Variants in MTHFD1 observed in about 807,000 individuals in gnomAD.
MTHFD1 encodes the protein C-1-tetrahydrofolate synthase, cytoplasmic.
Under a neutral mutation model 110.3 loss-of-function variants are expected in MTHFD1, and 44 were observed. The ratio of observed to expected loss-of-function variants is 0.40; its 90% CI spans 0.31 to 0.51. The LOEUF is 0.51. Among genes scored for constraint, MTHFD1 ranks in the 20% least tolerant of loss-of-function variants. The probability of loss-of-function intolerance (pLI) is 0.60; values close to 1 mark genes in which losing one functional copy is unlikely to be tolerated. For synonymous variants in MTHFD1, 402 were observed against 428.8 expected (o/e 0.94, Z 0.77); for missense variants, 909 against 1,173.1 (o/e 0.77, Z 3.29).
Position 64,415,478 on chromosome 14 carries a change from G to A in MTHFD1, c.361G>A (p.Glu121Lys), listed in dbSNP as rs749742870. 9 of 1,614,124 alleles carry A rather than the reference G, an allele frequency of 5.6e-6. No homozygotes were observed. Among genetic ancestry groups the A allele is most frequent in the South Asian group, 5.5e-5 (5 of 91,084 alleles). ...AGAAGTGATCAATGCTATTGCACCC[G>A]AGAAGGATGTGGATGGGTAAGTGTG... ...TEEVINAIAP[E>K]KDVDGLTSIN... Residue 121 changes from glutamate to lysine, a missense_variant, in exon 5 of 28, where the codon GAG becomes AAG. Coordinates refer to ENST00000652337, the MANE Select transcript of MTHFD1 (RefSeq NM_005956.4).
rs762017000 is a variant in MTHFD1 at position 64,431,823 on chromosome 14, G to A, written c.1456G>A (p.Val486Met). The change falls in exon 15 of 28, where the codon GTG becomes ATG. Residue 486 changes from valine to methionine, a missense_variant. Val to Met is a conservative substitution (Grantham distance 21, BLOSUM62 1). This residue lies in a region of MTHFD1 where 482 missense variants were observed against 646.0 expected (regional missense o/e 0.75). Transcript: ENST00000652337. ...TCGTTTGGTGCCATCAGTAAATGGA[G>A]TGAGAAGGTTCTCTGACATCCAAAT... Reference protein sequence around the residue: ...FNRLVPSVNGVRRFSDIQIRR... With the variant: ...FNRLVPSVNGMRRFSDIQIRR... 5 of 1,614,076 alleles carry A rather than the reference G, an allele frequency of 3.1e-6. No homozygotes were observed. The highest frequency in any genetic ancestry group is 3.3e-5 in the Admixed American group (2 of 59,998).
chr14:64,407,546 C>G (rs66546206), intron 2 of MTHFD1, among the ~76,000 whole-genome samples: 5 of 51,988 alleles, frequency 9.6e-5, no homozygotes, highest in Non-Finnish European at 1.9e-4. Flanking sequence ...CACTCTCTCT[C>G]TTTTTTTTTT....
intron 17 of MTHFD1, 49 bp downstream of exon 17, chr14:64,439,221 T>C: frequency 7.5e-7 from 1 of 1,339,360 alleles, no homozygotes; most frequent in South Asian, 1.2e-5. Context: ...GCACTAGATC[T>C]TGCTGCTTCT....
chr14:64,449,601 C>T lies in MTHFD1; in HGVS notation c.2436C>T (p.Phe812=). 6.2e-7 allele frequency: 1 copy of T among 1,614,162 alleles called. No homozygotes were observed. The highest frequency in any genetic ancestry group is 1.6e-4 in the Middle Eastern group (1 of 6,062). The change falls in exon 24 of 28, where the codon TTC becomes TTT. Residue 812 remains phenylalanine (F), a synonymous_variant. Coordinates refer to ENST00000652337, the MANE Select transcript of MTHFD1 (RefSeq NM_005956.4). ...VQRAAQAPSS[F]QLLYDLKLPV... The stretch of plus-strand genomic sequence containing the variant: ...GAGCAGCACAAGCACCCAGCAGCTT[C>T]CAGCTCCTTTATGACCTCAAGGTGG...
intron 8 of MTHFD1, among the ~76,000 whole-genome samples, chr14:64,420,850 G>A (rs1192292794): frequency 1.3e-5 from 2 of 152,120 alleles, no homozygotes; most frequent in African/African-American, 4.8e-5. Flanking sequence ...TCCCTTCCCT[G>A]CGCATGCCTC....
chr14:64,426,703 T>G (rs1566565225), intron 11 of MTHFD1, among the ~76,000 whole-genome samples: 1 of 105,806 alleles, frequency 9.5e-6, no homozygotes, highest in Non-Finnish European at 1.9e-5. Flanking sequence ...ACTCCTGACC[T>G]TGTGATCCAC....
At chr14:64,456,342 T>C (rs981262854) in intron 26 of MTHFD1, among the ~76,000 whole-genome samples, 3 of 152,232 alleles carry the variant, frequency 2.0e-5, no homozygotes, top group Non-Finnish European at 4.4e-5. Flanking sequence ...GTTGGGGCCT[T>C]AACGAGACTC....
intron 10 of MTHFD1, 76 bp downstream of exon 10, chr14:64,425,903 A>G (rs2078114951): frequency 2.6e-6 from 4 of 1,566,122 alleles, no homozygotes; most frequent in Non-Finnish European, 3.5e-6. Flanking sequence ...GGGTTCACAT[A>G]TGCTCCCTCT....
At chr14:64,447,454 C>CTTTTT (rs34013579) in intron 22 of MTHFD1, among the ~76,000 whole-genome samples, 4 of 127,040 alleles carry the variant, frequency 3.1e-5, no homozygotes. Context: ...AGGTCCGGCC[C>CTTTTT]TTTTTTTTTT....
At chr14:64,398,780 A>G (rs2077875982) in intron 1 of MTHFD1, among the ~76,000 whole-genome samples, 1 of 152,204 alleles carries the variant, frequency 6.6e-6, no homozygotes. Context: ...ACAAATGACA[A>G]AACTGGTTTT....
At chr14:64,409,330 A>C (rs991977666) in intron 2 of MTHFD1, among the ~76,000 whole-genome samples, 1 of 152,184 alleles carries the variant, frequency 6.6e-6, no homozygotes, top group Non-Finnish European at 1.5e-5. Flanking sequence ...TGGAAAACTG[A>C]CTTATAAGTT....
At chr14:64,435,314 G>A (rs73263781) in intron 15 of MTHFD1, among the ~76,000 whole-genome samples, 9,420 of 151,988 alleles carry the variant, frequency 0.062, 509 homozygotes, top group African/African-American at 0.16. Context: ...AGGCATATTT[G>A]TGGCATCCCA....
chr14:64,396,977 C>T (rs1420978552), intron 1 of MTHFD1, among the ~76,000 whole-genome samples: 22 of 144,158 alleles, frequency 1.5e-4, no homozygotes, highest in African/African-American at 4.9e-4. Flanking sequence ...TGGTGGCGGG[C>T]GCCTGTAGTC....
chr14:64,446,540 TTTTTG>T (rs1159937055), intron 22 of MTHFD1, among the ~76,000 whole-genome samples: 4 of 152,122 alleles, frequency 2.6e-5, no homozygotes, highest in East Asian at 3.8e-4. Flanking sequence ...TTGGTGGGTT[TTTTTG>T]TTTTGTTTTG....
chr14:64,427,347 A>T lies in MTHFD1; in HGVS notation c.1138A>T (p.Thr380Ser). ...GCTTTCGTCTTGAAGAATAACTCCA[A>T]CACCCCTGGGAGAAGGGAAAAGCAC... Reference protein sequence around the residue: ...KYVVVTGITPTPLGEGKSTTT... With the variant: ...KYVVVTGITPSPLGEGKSTTT... Residue 380 changes from threonine (T) to serine (S), a missense_variant, in exon 12 of 28, where the codon ACA (threonine) becomes TCA (serine). By Grantham distance (58) the Thr-to-Ser change is moderately conservative. Coordinates refer to ENST00000652337, the MANE Select transcript of MTHFD1 (RefSeq NM_005956.4). The T allele has an allele frequency of 1.2e-6, 2 of 1,614,152 alleles. No homozygotes were observed. Among genetic ancestry groups the T allele is most frequent in the South Asian group, 2.2e-5 (2 of 91,076 alleles).
intron 22 of MTHFD1, 102 bp from the exon 23 acceptor site, chr14:64,448,115 G>A (rs567484360): frequency 7.3e-6 from 6 of 817,746 alleles, no homozygotes; most frequent in Admixed American, 2.0e-5. Context: ...TGTCCTGATA[G>A]TGAGTGGCTG....
intron 16 of MTHFD1, among the ~76,000 whole-genome samples, chr14:64,438,415 G>A (rs1207175665): frequency 6.6e-6 from 1 of 152,162 alleles, no homozygotes; most frequent in Non-Finnish European, 1.5e-5. Context: ...CTTTTGTCAG[G>A]AACCCATGAC....
At chr14:64,442,765 C>A (rs1220445640) in intron 21 of MTHFD1, among the ~76,000 whole-genome samples, 1 of 152,130 alleles carries the variant, frequency 6.6e-6, no homozygotes, top group Non-Finnish European at 1.5e-5. Context: ...ACCAGCCAAC[C>A]AAACCAGTTA....
intron 18 of MTHFD1, chr14:64,440,568 G>A (rs1044274066): frequency 2.4e-6 from 1 of 415,016 alleles, no homozygotes; most frequent in Non-Finnish European, 4.6e-6. Flanking sequence ...AACATCAAGA[G>A]TACCATTGCT....
Sources: allele counts gnomAD v4.1 joint callset (sites outside exome capture counted in the v4.1 genomes callset), GRCh38; gene constraint gnomAD v4.1.1; regional missense constraint gnomAD v4.1.1; transcripts MANE v1.5; gene names NCBI Gene and HGNC (gene_info 2026-07-23, HGNC 2026-07-21).